Variants in TSHZ2 observed in about 807,000 individuals in gnomAD.
The protein encoded by TSHZ2 is teashirt zinc finger homeobox 2.
TSHZ2 carries 21 observed loss-of-function variants against 74.4 expected under a neutral mutation model. The ratio of observed to expected loss-of-function variants is 0.28; its 90% CI spans 0.20 to 0.41. The LOEUF is 0.41. TSHZ2 is among the 10% of genes least tolerant of loss of function. The pLI, the probability that TSHZ2 is intolerant of heterozygous loss-of-function variation, is 1.00. For synonymous variants in TSHZ2, 540 were observed against 515.3 expected, an observed-to-expected ratio of 1.05 and a Z score of -0.65; for missense variants, 1,244 against 1,293.5, an observed-to-expected ratio of 0.96 and a Z score of 0.59.
chr20:52,977,289 G>A (rs1163034226), intron 1 of TSHZ2, among the ~76,000 whole-genome samples: 2 of 152,026 alleles, frequency 1.3e-5, no homozygotes, highest in Non-Finnish European at 2.9e-5. Flanking sequence ...GGGTAGATTT[G>A]GGACCCTTCC....
intron 2 of TSHZ2, among the ~76,000 whole-genome samples, chr20:53,304,620 T>TTTCC (rs1452395406): frequency 7.0e-6 from 1 of 142,846 alleles, no homozygotes; most frequent in Admixed American, 6.8e-5. Flanking sequence ...AAGTTTTTTG[T>TTTCC]TTGTTTCCTT....
chr20:53,434,289 A>G (rs1983959411), intron 2 of TSHZ2, among the ~76,000 whole-genome samples: 1 of 152,222 alleles, frequency 6.6e-6, no homozygotes, highest in Admixed American at 6.5e-5. Context: ...TCATGTAATC[A>G]TCACAATGAC....
chr20:53,212,111 C>CT lies in TSHZ2; in HGVS notation c.41-41387dup, dbSNP rs368076127. 8.8e-3 allele frequency among the ~76,000 whole-genome samples: 1,347 copies of CT among 152,286 alleles called. 30 individuals are homozygous for CT. Among genetic ancestry groups the CT allele is most frequent in the African/African-American group, 0.03 (1,267 of 41,554 alleles). On this transcript the variant is annotated intron_variant, in intron 1 of 2. Transcript: ENST00000371497. ...TCAGAAGGGCCTGTTTGCATAAGGA[C>CT]TGGGGGCCCAGACAGCACTGCTTCT...
intron 2 of TSHZ2, among the ~76,000 whole-genome samples, chr20:53,283,329 T>C (rs952792501): frequency 6.6e-6 from 1 of 152,234 alleles, no homozygotes; most frequent in Non-Finnish European, 1.5e-5. Context: ...AGTTATTGAA[T>C]GCTTACTATG....
chr20:53,070,284 T>A (rs1451646444), intron 1 of TSHZ2, among the ~76,000 whole-genome samples: 1 of 152,188 alleles, frequency 6.6e-6, no homozygotes, highest in African/African-American at 2.4e-5. Flanking sequence ...CAGTAAGGAC[T>A]GAGAGAATCC....
At chr20:53,361,301 G>T (rs376368927) in intron 2 of TSHZ2, among the ~76,000 whole-genome samples, 6 of 152,322 alleles carry the variant, frequency 3.9e-5, no homozygotes, top group Admixed American at 6.5e-5. Context: ...TGGGAGAAAT[G>T]ATATTTTTTA....
At chr20:53,280,071 A>T (rs1038462881) in intron 2 of TSHZ2, among the ~76,000 whole-genome samples, 1 of 152,186 alleles carries the variant, frequency 6.6e-6, no homozygotes, top group Non-Finnish European at 1.5e-5. Flanking sequence ...GGCTTTAAAT[A>T]GGGAAAGAGC....
chr20:53,093,073 G>A (rs556717318), intron 1 of TSHZ2, among the ~76,000 whole-genome samples: 1 of 152,196 alleles, frequency 6.6e-6, no homozygotes, highest in Non-Finnish European at 1.5e-5. Context: ...ACAGACCTGA[G>A]CCACATCCTG....
At chr20:53,103,094 T>C (rs1782605784) in intron 1 of TSHZ2, among the ~76,000 whole-genome samples, 1 of 152,184 alleles carries the variant, frequency 6.6e-6, no homozygotes, top group African/African-American at 2.4e-5. Context: ...AATGTGTTTT[T>C]TACTATAGGT....
chr20:53,378,460 C>T (rs1981741395), intron 2 of TSHZ2, among the ~76,000 whole-genome samples: 1 of 151,568 alleles, frequency 6.6e-6, no homozygotes, highest in Non-Finnish European at 1.5e-5. Flanking sequence ...AAACTGGAAG[C>T]CAGAAAAAAA....
At chr20:53,176,458 G>A (rs1456846886) in intron 1 of TSHZ2, among the ~76,000 whole-genome samples, 1 of 152,096 alleles carries the variant, frequency 6.6e-6, no homozygotes, top group African/African-American at 2.4e-5. Context: ...TTAATTGAGG[G>A]TTGCTAGGGA....
At position 53,211,264 on chromosome 20, in the gene TSHZ2, G is replaced by A. The variant is rs7271349; in HGVS notation, c.41-42235G>A. 8.8e-3 allele frequency among the ~76,000 whole-genome samples: 1,346 copies of A among 152,212 alleles called. 29 individuals carry two copies. Among genetic ancestry groups the A allele is most frequent in the African/African-American group, 0.03 (1,265 of 41,526 alleles). The stretch of plus-strand genomic sequence containing the variant: ...CACTAAACAGTTTCCCAAGATCGGC[G>A]TTTAAAATTAAACCTCCGATGAAAG... On this transcript the variant is annotated intron_variant, in intron 1 of 2. Transcript: ENST00000371497.
At chr20:53,165,129 A>T (rs145247515) in intron 1 of TSHZ2, among the ~76,000 whole-genome samples, 1,512 of 150,684 alleles carry the variant, frequency 0.01, 33 homozygotes, top group African/African-American at 0.036. Context: ...GGATGGGTGG[A>T]TGGATGGATG....
intron 1 of TSHZ2, among the ~76,000 whole-genome samples, chr20:53,127,118 G>C (rs1452757257): frequency 1.3e-5 from 2 of 152,218 alleles, no homozygotes; most frequent in East Asian, 3.8e-4. Context: ...GTGGTATATT[G>C]ATGGTATCTA....
At chr20:53,141,614 C>G (rs1378468667) in intron 1 of TSHZ2, among the ~76,000 whole-genome samples, 2 of 152,214 alleles carry the variant, frequency 1.3e-5, no homozygotes, top group African/African-American at 4.8e-5. Context: ...ACTCAGCTGT[C>G]AGGGCTGTAA....
intron 2 of TSHZ2, among the ~76,000 whole-genome samples, chr20:53,312,699 A>G (rs574732300): frequency 7.9e-5 from 12 of 152,336 alleles, no homozygotes; most frequent in African/African-American, 2.4e-4. Flanking sequence ...AAGGGCCTGC[A>G]GGTGGCAAGG....
intron 2 of TSHZ2, among the ~76,000 whole-genome samples, chr20:53,456,388 G>A (rs112382188): frequency 0.09 from 13,171 of 146,756 alleles, 656 homozygotes; most frequent in African/African-American, 0.15. Flanking sequence ...CATGTCCTTC[G>A]CCCACTTTTT....
chr20:53,373,586 G>A (rs535188487), intron 2 of TSHZ2, among the ~76,000 whole-genome samples: 4 of 152,184 alleles, frequency 2.6e-5, no homozygotes, highest in Non-Finnish European at 5.9e-5. Context: ...CCCAAAGAGA[G>A]ACGGTGATGA....
At chr20:53,282,455 T>G (rs73150628) in intron 2 of TSHZ2, among the ~76,000 whole-genome samples, 9,792 of 152,274 alleles carry the variant, frequency 0.064, 330 homozygotes, top group South Asian at 0.11. Context: ...TTTTCTATCT[T>G]TTTTCTGATT....
Sources: gnomAD v4.1 joint callset for allele counts (sites outside exome capture counted in the v4.1 genomes callset) on GRCh38, gnomAD v4.1.1 for gene constraint, MANE v1.5 for transcripts, NCBI Gene and HGNC (gene_info 2026-07-23, HGNC 2026-07-21) for gene names.